Variants in SYNE1 observed in about 807,000 individuals in gnomAD.
SYNE1 encodes the protein spectrin repeat containing nuclear envelope protein 1, also known as nesprin-1.
In SYNE1, 616 loss-of-function variants were observed where a neutral mutation model predicts 1,111.0. The ratio of observed to expected loss-of-function variants is 0.55; its 90% confidence interval spans 0.52 to 0.59. The LOEUF is 0.59. Ranked by LOEUF, SYNE1 falls within the 20% of genes least tolerant of loss-of-function variation. SYNE1 has a pLI of 0.00. For synonymous variants in SYNE1, 3,855 were observed against 3,825.8 expected (o/e 1.01, Z -0.28); for missense variants, 10,006 against 10,417.0 (o/e 0.96, Z 1.72).
chr6:152,453,445 G>C (rs2098667966), intron 25 of SYNE1, 141 bp downstream of exon 25: 2 of 1,232,750 alleles, frequency 1.6e-6, no homozygotes, highest in African/African-American at 1.5e-5. Flanking sequence ...TTTAAGTCCA[G>C]TTTTTTGAGT....
chr6:152,134,356 C>G (rs1248368440), intron 142 of SYNE1: 2 of 152,242 alleles, frequency 1.3e-5, no homozygotes, highest in Non-Finnish European at 2.9e-5. Flanking sequence ...CATGTTTAAT[C>G]TGATGTATTT....
chr6:152,186,949 T>G (rs527609955), intron 128 of SYNE1, among the ~76,000 whole-genome samples: 1 of 152,334 alleles, frequency 6.6e-6, no homozygotes, highest in East Asian at 1.9e-4. Flanking sequence ...GATAAAGTCT[T>G]TACATTGCAA....
Position 152,136,752 on chromosome 6 carries a change from A to C in SYNE1, c.25525T>G (p.Phe8509Val). The change falls in exon 141 of 146, where the codon TTC becomes GTC. Residue 8509 changes from phenylalanine to valine, a missense_variant. Transcript: ENST00000367255. ...CTCTCCTTGCTGTCAGCCTGGGTGA[A>C]CTCAGGGCTGCAGAGATTGATGGAG... ...ILSINLCSPE[F>V]TQADSKESRD... The C allele has an allele frequency of 6.2e-7, 1 of 1,614,116 alleles. No individual in the cohort carries two copies. Among genetic ancestry groups the C allele is most frequent in the Non-Finnish European group, 8.5e-7 (1 of 1,180,006 alleles).
chr6:152,372,958 T>G (rs775841614), intron 59 of SYNE1, 79 bp downstream of exon 59: 1 of 1,504,404 alleles, frequency 6.6e-7, no homozygotes, highest in African/African-American at 1.4e-5. Flanking sequence ...GGCTTTGATA[T>G]ACAGAAACTG....
intron 70 of SYNE1, 23 bp from the exon 71 acceptor site, chr6:152,350,793 A>G: frequency 1.2e-6 from 2 of 1,613,456 alleles, no homozygotes; most frequent in Non-Finnish European, 1.7e-6. Context: ...AGAAAAAAAA[A>G]TGAGCCTGCT....
At chr6:152,170,912 C>A (rs1438050518) in intron 130 of SYNE1, among the ~76,000 whole-genome samples, 1 of 152,112 alleles carries the variant, frequency 6.6e-6, no homozygotes, top group Non-Finnish European at 1.5e-5. Context: ...GGGGTGGTTT[C>A]CCCCAGACTG....
chr6:152,376,620 T>C (rs2097286305), intron 57 of SYNE1, 62 bp from the exon 58 acceptor site: 1 of 1,595,490 alleles, frequency 6.3e-7, no homozygotes. Context: ...GAAAATCATG[T>C]TTGATAGAAT....
At chr6:152,484,269 T>TTAGTGA (rs1239239911) in intron 13 of SYNE1, among the ~76,000 whole-genome samples, 7 of 152,060 alleles carry the variant, frequency 4.6e-5, no homozygotes, top group Non-Finnish European at 1.0e-4. Flanking sequence ...AATATTCTTA[T>TTAGTGA]TAGTGATAGA....
chr6:152,336,642 G>A (rs971296730), intron 76 of SYNE1, 199 bp downstream of exon 76: 3 of 683,158 alleles, frequency 4.4e-6, no homozygotes, highest in Non-Finnish European at 5.2e-6. Context: ...GCCTCCCACT[G>A]TGCGGCCAGG....
chr6:152,325,182 T>C lies in SYNE1; in HGVS notation c.15559A>G (p.Thr5187Ala). Residue 5187 changes from threonine (T) to alanine (A), a missense_variant, in exon 81 of 146, where the codon ACC becomes GCC. By Grantham distance (58) the Thr-to-Ala change is moderately conservative. Transcript: ENST00000367255. ...SKATLSRSMT[T>A]VWQRWTRLRA... ...AGGCGTGTCCAGCGCTGCCAGACGG[T>C]GGTCATTGACCTGCTCAGGGTGGCT... is the stretch of plus-strand genomic sequence containing the variant. 6.2e-7 allele frequency: 1 copy of C among 1,614,204 alleles called. No homozygotes were observed. Among genetic ancestry groups the C allele is most frequent in the Non-Finnish European group, 8.5e-7 (1 of 1,180,036 alleles).
At chr6:152,246,430 C>T (rs56073566) in intron 105 of SYNE1, among the ~76,000 whole-genome samples, 3,356 of 151,734 alleles carry the variant, frequency 0.022, 79 homozygotes, top group African/African-American at 0.063. Flanking sequence ...AAGGATCATT[C>T]GGAGAACCAA....
chr6:152,318,309 A>C (rs1465129805), intron 85 of SYNE1, 46 bp from the exon 86 acceptor site: 4 of 1,608,030 alleles, frequency 2.5e-6, no homozygotes, highest in Non-Finnish European at 3.4e-6. Flanking sequence ...CAGAAAATAA[A>C]TTTCTCCAGG....
intron 52 of SYNE1, 99 bp downstream of exon 52, chr6:152,391,178 T>C: frequency 6.4e-7 from 1 of 1,567,304 alleles, no homozygotes; most frequent in Non-Finnish European, 8.7e-7. Context: ...AATCCTCATT[T>C]AGAGGCTTAC....
intron 32 of SYNE1, among the ~76,000 whole-genome samples, chr6:152,440,346 C>T (rs2154224213): frequency 6.6e-6 from 1 of 152,244 alleles, no homozygotes; most frequent in South Asian, 2.1e-4. Context: ...TCCATGTTGC[C>T]TAGAAAGTAA....
intron 6 of SYNE1, among the ~76,000 whole-genome samples, chr6:152,513,491 AC>A (rs1343867952): frequency 7.2e-5 from 11 of 152,022 alleles, no homozygotes; most frequent in African/African-American, 2.4e-4. Flanking sequence ...GCGCCACCAC[AC>A]CCGGCTAATT....
At position 152,350,330 on chromosome 6, in the gene SYNE1, A is replaced by T. The variant is rs781207811; in HGVS notation, c.11739T>A (p.His3913Gln). Residue 3913 changes from histidine to glutamine, a missense_variant, in exon 72 of 146, where the codon CAT becomes CAA. His to Gln is a conservative substitution (Grantham distance 24, BLOSUM62 0). Around this residue, in one of 7 missense-constraint regions of SYNE1, gnomAD observed 4,955 missense variants for 5,017.2 expected, o/e 0.99. Transcript: ENST00000367255. ...YQDLCSIGKEHVFSLEAKVKD... is the reference protein window; with the variant it reads ...YQDLCSIGKEQVFSLEAKVKD... ...TGACTTTCGCCTCCAGACTGAAGACATGCTCCTGCAAAACCAGGTGTCCAT... is the reference window on the plus strand; with the variant it reads ...TGACTTTCGCCTCCAGACTGAAGACTTGCTCCTGCAAAACCAGGTGTCCAT... 3 of 1,614,174 alleles carry T rather than the reference A, an allele frequency of 1.9e-6. No homozygotes were observed. The Admixed American group carries it at 5.0e-5, about 27-fold the overall frequency.
At chr6:152,441,993 T>C in intron 31 of SYNE1, 82 bp downstream of exon 31, 1 of 1,524,640 alleles carries the variant, frequency 6.6e-7, no homozygotes, top group Admixed American at 1.7e-5. Context: ...GTAACAAAGG[T>C]TCGCCTTGGT....
At chr6:152,512,598 G>A (rs574363222) in intron 6 of SYNE1, among the ~76,000 whole-genome samples, 9 of 152,192 alleles carry the variant, frequency 5.9e-5, no homozygotes, top group African/African-American at 2.2e-4. Flanking sequence ...AAGTGCTATT[G>A]AATATAATTT....
intron 12 of SYNE1, among the ~76,000 whole-genome samples, chr6:152,485,717 T>G (rs1199494376): frequency 6.6e-6 from 1 of 152,142 alleles, no homozygotes; most frequent in Non-Finnish European, 1.5e-5. Context: ...AAAAGATAAT[T>G]AAAATGTGCA....
Sources: allele counts gnomAD v4.1 joint callset (sites outside exome capture counted in the v4.1 genomes callset), GRCh38; gene constraint gnomAD v4.1.1; regional missense constraint gnomAD v4.1.1; transcripts MANE v1.5; gene names NCBI Gene and HGNC (gene_info 2026-07-23, HGNC 2026-07-21).